The following FBXL2 variants were observed in gnomAD, a reference collection of about 807,000 sequenced individuals.
The protein encoded by FBXL2 is F-box and leucine rich repeat protein 2, also known as F-box/LRR-repeat protein 2.
A neutral mutation model predicts 69.2 loss-of-function variants in FBXL2; 38 were observed. The ratio of observed to expected loss-of-function variants is 0.55; its 90% CI spans 0.42 to 0.72. The LOEUF is 0.72. FBXL2 is among the 30% of genes least tolerant of loss of function. The pLI is 0.00. For synonymous variants in FBXL2, 192 were observed against 201.3 expected, an observed-to-expected ratio of 0.95 and a Z score of 0.39; for missense variants, 354 against 520.3, an observed-to-expected ratio of 0.68 and a Z score of 3.11.
At chr3:33,390,146 T>C, downstream of FBXL2, 1 of 621,026 alleles carries the variant, frequency 1.6e-6, no homozygotes, top group Non-Finnish European at 2.8e-6. Flanking sequence ...ATGAGGATGC[T>C]TGGCTATGGC....
At chr3:33,357,690 C>T (rs1049948370) in intron 2 of FBXL2, among the ~76,000 whole-genome samples, 6 of 151,970 alleles carry the variant, frequency 3.9e-5, no homozygotes, top group African/African-American at 7.2e-5. Flanking sequence ...CCACCTCGCC[C>T]GGCTAATTTT....
the FBXL2 span, among the ~76,000 whole-genome samples, chr3:33,422,269 T>C: frequency 3.2e-3 from 480 of 152,040 alleles, 1 homozygote; most frequent in Non-Finnish European, 5.3e-3. Flanking sequence ...TAGAAAAATA[T>C]ACCTTTAAGG....
chr3:33,297,847 A>G, intron 2 of FBXL2, 122 bp downstream of exon 2: 1 of 716,636 alleles, frequency 1.4e-6, no homozygotes, highest in Middle Eastern at 2.4e-4. Context: ...AGCCTAACTG[A>G]CTTTTTGTTT....
chr3:33,314,522 G>A (rs887064399), intron 2 of FBXL2, among the ~76,000 whole-genome samples: 6 of 152,004 alleles, frequency 3.9e-5, no homozygotes, highest in Non-Finnish European at 7.4e-5. Context: ...AATATTCTAT[G>A]GTATAGTTAA....
the FBXL2 span, among the ~76,000 whole-genome samples, chr3:33,418,791 G>A: frequency 2.0e-5 from 3 of 150,634 alleles, no homozygotes; most frequent in Non-Finnish European, 4.4e-5. Flanking sequence ...CCTGGGAGGC[G>A]GAGGTTGCAG....
intron 2 of FBXL2, among the ~76,000 whole-genome samples, chr3:33,337,965 A>T (rs2039718782): frequency 6.6e-6 from 1 of 152,232 alleles, no homozygotes; most frequent in African/African-American, 2.4e-5. Context: ...GAAATGAGAG[A>T]TGACACAAAC....
intron 2 of FBXL2, among the ~76,000 whole-genome samples, chr3:33,347,193 G>T (rs2040508215): frequency 6.6e-6 from 1 of 152,104 alleles, no homozygotes; most frequent in Non-Finnish European, 1.5e-5. Flanking sequence ...TTAATTTTCA[G>T]CCTCCACAAA....
At chr3:33,421,453 G>A in the FBXL2 span, among the ~76,000 whole-genome samples, 1 of 152,118 alleles carries the variant, frequency 6.6e-6, no homozygotes, top group Non-Finnish European at 1.5e-5. Context: ...TGTATTTTCA[G>A]TAGAGATGGT....
At chr3:33,284,327 C>T (rs1575586668) in intron 1 of FBXL2, among the ~76,000 whole-genome samples, 1 of 152,178 alleles carries the variant, frequency 6.6e-6, no homozygotes, top group Non-Finnish European at 1.5e-5. Context: ...CATTCAGGAG[C>T]AGGTTGTTCA....
At chr3:33,355,224 G>T (rs567400871) in intron 2 of FBXL2, among the ~76,000 whole-genome samples, 2 of 151,950 alleles carry the variant, frequency 1.3e-5, no homozygotes, top group Admixed American at 1.3e-4. Context: ...GCCACCACTC[G>T]CTGCCAAAAA....
intron 2 of FBXL2, among the ~76,000 whole-genome samples, chr3:33,334,176 G>A (rs191743359): frequency 6.6e-6 from 1 of 152,306 alleles, no homozygotes; most frequent in African/African-American, 2.4e-5. Context: ...CAAATTAGCA[G>A]AAAAATGTGA....
chr3:33,330,794 C>T (rs2039086734), intron 2 of FBXL2, among the ~76,000 whole-genome samples: 1 of 151,914 alleles, frequency 6.6e-6, no homozygotes, highest in South Asian at 2.1e-4. Flanking sequence ...GAGGCTGAGG[C>T]AGGAGAATCA....
chr3:33,364,237 C>T (rs1199816566), intron 4 of FBXL2: 1 of 209,132 alleles, frequency 4.8e-6, no homozygotes, highest in African/African-American at 2.3e-5. Flanking sequence ...GCAGCATTGT[C>T]TTAGATCTCT....
chr3:33,317,268 T>C (rs985785984), intron 2 of FBXL2, among the ~76,000 whole-genome samples: 2 of 152,024 alleles, frequency 1.3e-5, no homozygotes, highest in Non-Finnish European at 2.9e-5. Context: ...CTTCCCCGCC[T>C]CTCGCACCGT....
intron 12 of FBXL2, chr3:33,400,412 C>A: frequency 1.7e-6 from 1 of 596,626 alleles, no homozygotes; most frequent in Non-Finnish European, 2.8e-6. Context: ...CTCCAGCAAC[C>A]CAAATGATGC....
chr3:33,285,961 G>A (rs1259891721), intron 1 of FBXL2, among the ~76,000 whole-genome samples: 2 of 152,118 alleles, frequency 1.3e-5, no homozygotes, highest in Admixed American at 6.5e-5. Flanking sequence ...AAGGTTTTTA[G>A]CTTCTTTGCG....
At chr3:33,280,109 G>A (rs578124632) in intron 1 of FBXL2, among the ~76,000 whole-genome samples, 2 of 152,220 alleles carry the variant, frequency 1.3e-5, no homozygotes, top group East Asian at 3.9e-4. Flanking sequence ...TACGGAACAG[G>A]GTAGGCATGC....
chr3:33,413,443 A>G, the FBXL2 span, among the ~76,000 whole-genome samples: 2,105 of 149,974 alleles, frequency 0.014, 20 homozygotes, highest in South Asian at 0.027. Context: ...GCTACTTGGG[A>G]GGCTGAGGCA....
chr3:33,337,273 A>G (rs1445405798), intron 2 of FBXL2, among the ~76,000 whole-genome samples: 3 of 152,148 alleles, frequency 2.0e-5, no homozygotes, highest in Non-Finnish European at 4.4e-5. Flanking sequence ...CCTATCCAAC[A>G]AAGTGCTCAT....
Sources: allele counts gnomAD v4.1 joint callset (sites outside exome capture counted in the v4.1 genomes callset), GRCh38; gene constraint gnomAD v4.1.1; transcripts MANE v1.5; gene names NCBI Gene and HGNC (gene_info 2026-07-23, HGNC 2026-07-21).